ABL1: variants seen among roughly 807,000 people sequenced by gnomAD.
The protein encoded by ABL1 is tyrosine-protein kinase ABL1.
ABL1 carries 11 observed loss-of-function variants against 94.7 expected under a neutral mutation model. The observed-to-expected ratio is 0.12, with a 90% CI of 0.07 to 0.19. The LOEUF is 0.19. ABL1 is among the 10% of genes least tolerant of loss of function. ABL1 has a pLI of 1.00. For synonymous variants in ABL1, 656 were observed against 622.4 expected, an observed-to-expected ratio of 1.05 and a Z score of -0.80; for missense variants, 1,082 against 1,489.4, an observed-to-expected ratio of 0.73 and a Z score of 4.50.
chr9:130,779,222 G>A (rs1221304888), intron 1 of ABL1, among the ~76,000 whole-genome samples: 1 of 152,236 alleles, frequency 6.6e-6, no homozygotes, highest in Non-Finnish European at 1.5e-5. Context: ...GAGTCACAGA[G>A]TGGCAGCGAC....
chr9:130,853,761 A>T (rs1489070005), intron 1 of ABL1, among the ~76,000 whole-genome samples: 1 of 152,248 alleles, frequency 6.6e-6, no homozygotes, highest in African/African-American at 2.4e-5. Context: ...GCAAATGCAT[A>T]TGTGGATAGA....
chr9:130,785,168 G>A (rs1225937796), intron 1 of ABL1, among the ~76,000 whole-genome samples: 1 of 152,248 alleles, frequency 6.6e-6, no homozygotes, highest in African/African-American at 2.4e-5. Flanking sequence ...GGAGGGACAT[G>A]GCAAGGTCAT....
At chr9:130,753,076 G>A (rs1261951530) in intron 1 of ABL1, among the ~76,000 whole-genome samples, 4 of 151,856 alleles carry the variant, frequency 2.6e-5, no homozygotes, top group Non-Finnish European at 4.4e-5. Context: ...CTAACACGGT[G>A]AAACCCCGTC....
chr9:130,819,341 G>A (rs557995917), intron 1 of ABL1, among the ~76,000 whole-genome samples: 6 of 151,862 alleles, frequency 4.0e-5, no homozygotes, highest in African/African-American at 1.2e-4. Context: ...GCAACAGAGC[G>A]AGACTCCATC....
chr9:130,803,263 C>T (rs1260391607), intron 1 of ABL1, among the ~76,000 whole-genome samples: 1 of 152,180 alleles, frequency 6.6e-6, no homozygotes, highest in Non-Finnish European at 1.5e-5. Context: ...TGGTCACGAA[C>T]TCGTGAACTC....
At chr9:130,739,951 CA>C (rs1831795995) in intron 1 of ABL1, among the ~76,000 whole-genome samples, 2 of 152,146 alleles carry the variant, frequency 1.3e-5, no homozygotes, top group Admixed American at 6.5e-5. Flanking sequence ...TAAAGTGAAT[CA>C]GAAGAGTTGC....
chr9:130,796,920 C>CAAAAA (rs10607745), intron 1 of ABL1, among the ~76,000 whole-genome samples: 2 of 60,758 alleles, frequency 3.3e-5, no homozygotes, highest in African/African-American at 1.1e-4. Flanking sequence ...AACTTCATCT[C>CAAAAA]AAAAAAAAAA....
intron 1 of ABL1, among the ~76,000 whole-genome samples, chr9:130,715,522 G>T (rs1417002780): frequency 6.6e-6 from 1 of 152,134 alleles, no homozygotes; most frequent in Non-Finnish European, 1.5e-5. Context: ...AAATAAATCC[G>T]GGTGCTTGGA....
In ABL1 at chr9:130,820,079, GTTAA is replaced by G. The variant is rs147479992; in HGVS notation, c.137-33978_137-33975del. ...GTTTCACACTCATGAAATATTTATTGTTAATTAATTCCAATATTTAATTGATTGC... is the reference window on the plus strand; with the variant it reads ...GTTTCACACTCATGAAATATTTATTGTTAATTCCAATATTTAATTGATTGC... On this transcript the variant is annotated intron_variant, in intron 1 of 10. Transcript: ENST00000372348. Among the ~76,000 whole-genome samples, 274 of 152,080 alleles carry G rather than the reference GTTAA, an allele frequency of 1.8e-3. 1 individual carries two copies. Among genetic ancestry groups the G allele is most frequent in the African/African-American group, 5.9e-3 (244 of 41,480 alleles).
Position 130,886,931 on chromosome 9 carries a change from G to A in ABL1, c.*1248G>A, listed in dbSNP as rs115261107. On this transcript the variant is annotated 3_prime_UTR_variant, in exon 11 of 11. Transcript: ENST00000318560. ...GTGACATAGCCTCATGTTCTGTGGG[G>A]GTCATCAGGGAGGGTTAGGAAAACC... 3.8e-4 allele frequency: 88 copies of A among 232,936 alleles called. No individual in the cohort carries two copies. The highest frequency in any genetic ancestry group is 1.8e-3 in the African/African-American group (83 of 45,446). 14.4% of individuals were successfully genotyped at this position (232,936 alleles called of 1,614,324 possible). A position where few individuals can be genotyped will look rare whatever the true frequency, so the allele number is the denominator to read the frequency against.
chr9:130,884,938 A>T lies in ABL1; in HGVS notation c.2648A>T (p.Glu883Val), dbSNP rs2133038071. Reference sequence around the variant, plus strand: ...GTGAGGAGGCACAAGCACTCCTCTGAGTCGCCAGGGAGGGACAAGGGGAAA... The same window carrying T: ...GTGAGGAGGCACAAGCACTCCTCTGTGTCGCCAGGGAGGGACAAGGGGAAA... ...SRVRRHKHSS[E>V]SPGRDKGKLS... Residue 883 changes from glutamate to valine, a missense_variant, in exon 11 of 11, where the codon GAG (glutamate) becomes GTG (valine). Coordinates refer to ENST00000318560, the MANE Select transcript of ABL1 (RefSeq NM_005157.6). The surrounding 1 kb of genome is among the most constrained non-coding windows in gnomAD (Gnocchi z 5.6). The T allele has an allele frequency of 1.2e-6, 2 of 1,611,716 alleles. No individual in the cohort carries two copies. Among genetic ancestry groups the T allele is most frequent in the Non-Finnish European group, 1.7e-6 (2 of 1,179,658 alleles).
At chr9:130,820,045 A>T (rs112501691) in intron 1 of ABL1, among the ~76,000 whole-genome samples, 3 of 152,116 alleles carry the variant, frequency 2.0e-5, no homozygotes, top group African/African-American at 7.2e-5. Flanking sequence ...CAGTCACTGC[A>T]GTTCACAAGT....
Position 130,870,298 on chromosome 9 carries a change from G to GT in ABL1, c.823-1830dup, listed in dbSNP as rs547303332. 1.0e-3 allele frequency among the ~76,000 whole-genome samples: 154 copies of GT among 146,732 alleles called. 1 individual carries two copies. The highest frequency in any genetic ancestry group is 3.4e-3 in the Middle Eastern group (1 of 294). On this transcript the variant is annotated intron_variant, in intron 4 of 10. Coordinates refer to ENST00000318560, the MANE Select transcript of ABL1 (RefSeq NM_005157.6). ...TTTGAGAGCCATGTTCCTTTTGCATGTACATACCTCTCAAGATTATTACAT... is the reference window on the plus strand; with the variant it reads ...TTTGAGAGCCATGTTCCTTTTGCATGTTACATACCTCTCAAGATTATTACAT...
chr9:130,798,966 CAAAAAA>C (rs71389357), intron 1 of ABL1, among the ~76,000 whole-genome samples: 6 of 66,830 alleles, frequency 9.0e-5, no homozygotes, highest in Non-Finnish European at 1.5e-4. Context: ...GACTCCGTCT[CAAAAAA>C]AAAAAAAAAA....
intron 1 of ABL1, among the ~76,000 whole-genome samples, chr9:130,749,328 G>T (rs1385049899): frequency 2.0e-5 from 3 of 152,170 alleles, no homozygotes. Flanking sequence ...GACATATCTT[G>T]ACACTGGGGG....
chr9:130,884,869 G>T lies in ABL1; in HGVS notation c.2579G>T (p.Gly860Val), dbSNP rs1427535682. Residue 860 changes from glycine (G) to valine (V), a missense_variant, in exon 11 of 11, where the codon GGT (glycine) becomes GTT (valine). By Grantham distance (109) the Gly-to-Val change is moderately radical. Around this residue, in one of 7 missense-constraint regions of ABL1, gnomAD observed 780 missense variants for 835.8 expected, o/e 0.93. Coordinates refer to ENST00000318560, the MANE Select transcript of ABL1 (RefSeq NM_005157.6). This position sits in a 1 kb window ranked among gnomAD's most constrained non-coding sequence, Gnocchi z 5.6. The stretch of plus-strand genomic sequence containing the variant: ...ACCCCCACCAGCAAAGCAGGCTCAG[G>T]TGCACCAGGGGGCACCAGCAAGGGC... ...PVTPTSKAGS[G>V]APGGTSKGPA... The T allele has an allele frequency of 6.2e-7, 1 of 1,607,398 alleles. No individual in the cohort carries two copies. Among genetic ancestry groups the T allele is most frequent in the African/African-American group, 1.3e-5 (1 of 74,790 alleles).
intron 1 of ABL1, among the ~76,000 whole-genome samples, chr9:130,741,617 G>A (rs1186761789): frequency 6.6e-6 from 1 of 151,404 alleles, no homozygotes; most frequent in Non-Finnish European, 1.5e-5. Context: ...CAGTTACCAT[G>A]CCGGAGTAAC....
chr9:130,836,824 CAAAAA>C (rs565723193), intron 1 of ABL1, among the ~76,000 whole-genome samples: 18,822 of 76,856 alleles, frequency 0.24, 1,214 homozygotes, highest in Admixed American at 0.27. Flanking sequence ...GACTCGGTCT[CAAAAA>C]AAAAAAAAAA....
upstream of ABL1, among the ~76,000 whole-genome samples, chr9:130,832,999 A>T (rs1830510565): frequency 6.6e-6 from 1 of 152,240 alleles, no homozygotes; most frequent in African/African-American, 2.4e-5. Flanking sequence ...AATTAAAAAG[A>T]TTTGGGTACA....
Sources: gnomAD v4.1 joint callset for allele counts (sites outside exome capture counted in the v4.1 genomes callset) on GRCh38, gnomAD v4.1.1 for gene constraint, gnomAD v4.1.1 regional missense constraint, Gnocchi (gnomAD v3.1) non-coding constraint, MANE v1.5 for transcripts, NCBI Gene and HGNC (gene_info 2026-07-23, HGNC 2026-07-21) for gene names.